Variants in TLL1 observed in about 807,000 individuals in gnomAD.
TLL1 encodes tolloid like 1, also known as tolloid-like protein 1.
In TLL1, 49 loss-of-function variants were observed where a neutral mutation model predicts 128.2. The ratio of observed to expected loss-of-function variants is 0.38; its 90% CI spans 0.30 to 0.48. TLL1 has a LOEUF of 0.48. TLL1 is among the 20% of genes least tolerant of loss of function. The pLI is 0.96. For synonymous variants in TLL1, 454 were observed against 418.8 expected, an observed-to-expected ratio of 1.08 and a Z score of -1.03; for missense variants, 1,123 against 1,242.0, an observed-to-expected ratio of 0.90 and a Z score of 1.44.
intron 14 of TLL1, among the ~76,000 whole-genome samples, chr4:166,059,795 C>G (rs1740217142): frequency 6.6e-6 from 1 of 151,908 alleles, no homozygotes; most frequent in South Asian, 2.1e-4. Flanking sequence ...AAATTTAGTA[C>G]AGCCATAATA....
intron 1 of TLL1, among the ~76,000 whole-genome samples, chr4:165,932,172 C>T (rs896933179): frequency 8.5e-5 from 13 of 152,102 alleles, no homozygotes; most frequent in African/African-American, 3.1e-4. Context: ...AGAAGGTCTC[C>T]TAGTTAGGCA....
At chr4:165,956,367 C>G (rs1003660398) in intron 1 of TLL1, among the ~76,000 whole-genome samples, 7 of 152,048 alleles carry the variant, frequency 4.6e-5, no homozygotes, top group African/African-American at 1.7e-4. Flanking sequence ...CAGTCCTTAT[C>G]TCAACCACGT....
chr4:166,011,787 T>G (rs1003566338), intron 7 of TLL1, among the ~76,000 whole-genome samples: 36 of 151,566 alleles, frequency 2.4e-4, no homozygotes, highest in African/African-American at 8.7e-4. Context: ...ATATAGTTTT[T>G]ATTATGTTGA....
chr4:165,962,461 CA>C (rs1735155043), intron 1 of TLL1, among the ~76,000 whole-genome samples: 1 of 152,142 alleles, frequency 6.6e-6, no homozygotes, highest in Non-Finnish European at 1.5e-5. Context: ...GAAACCCTTA[CA>C]CACTGTTGGT....
intron 1 of TLL1, among the ~76,000 whole-genome samples, chr4:165,974,635 C>T (rs918095868): frequency 6.6e-5 from 10 of 152,132 alleles, no homozygotes; most frequent in Non-Finnish European, 1.2e-4. Flanking sequence ...TACTATTTTC[C>T]CTGTATTGCA....
intron 2 of TLL1, among the ~76,000 whole-genome samples, chr4:165,990,309 T>G (rs935384677): frequency 1.2e-4 from 19 of 152,016 alleles, no homozygotes. Context: ...ATGTCATGCT[T>G]TTGATTTCAT....
chr4:166,093,793 C>T lies in TLL1; in HGVS notation c.2656+2452C>T, dbSNP rs529429869. On this transcript the variant is annotated intron_variant, in intron 19 of 20. Coordinates refer to ENST00000061240, the MANE Select transcript of TLL1 (RefSeq NM_012464.5). The stretch of plus-strand genomic sequence containing the variant: ...GCAGTGCATTGTGCCCCTGGTTTAT[C>T]GAGACTAGAGAATGGCGATGACTTT... Among the ~76,000 whole-genome samples the T allele has an allele frequency of 2.6e-4, 40 of 152,206 alleles. 1 individual carries two copies. The East Asian group carries it at 6.2e-3, about 24-fold the overall frequency.
At chr4:166,091,520 G>A (rs77213883) in intron 19 of TLL1, among the ~76,000 whole-genome samples, 179 bp downstream of exon 19, 22,531 of 152,074 alleles carry the variant, frequency 0.15, 1,782 homozygotes, top group Middle Eastern at 0.25. Context: ...GATCTTTGCA[G>A]TTGTTGAGTT....
In TLL1 at chr4:166,065,758, G is replaced by T. The variant is rs150316679; in HGVS notation, c.2083G>T (p.Ala695Ser). 8.7e-6 allele frequency: 14 copies of T among 1,612,890 alleles called. No homozygotes were observed. In the South Asian group the frequency reaches 1.5e-4, roughly 18 times the overall value. ...ESKLHGKFCG[A>S]EVPEVITSQF... ...TAAACTGCATGGCAAATTCTGTGGC[G>T]CTGAAGTGCCTGAAGTGATCACATC... Residue 695 changes from alanine (A) to serine (S), a missense_variant, in exon 16 of 21, where the codon GCT (alanine) becomes TCT (serine). By Grantham distance (99) the Ala-to-Ser change is moderately conservative (BLOSUM62 1). This residue lies in a region of TLL1 where 634 missense variants were observed against 672.4 expected (regional missense o/e 0.94). Coordinates refer to ENST00000061240, the MANE Select transcript of TLL1 (RefSeq NM_012464.5).
intron 1 of TLL1, among the ~76,000 whole-genome samples, chr4:165,912,487 C>A (rs1279408760): frequency 6.6e-6 from 1 of 152,190 alleles, no homozygotes; most frequent in Non-Finnish European, 1.5e-5. Flanking sequence ...GTATTAGAAG[C>A]ACCTGGAGAA....
At chr4:165,992,727 T>C (rs1332617323) in intron 2 of TLL1, 77 bp from the exon 3 acceptor site, 1 of 1,278,820 alleles carries the variant, frequency 7.8e-7, no homozygotes, top group Non-Finnish European at 1.1e-6. Flanking sequence ...GAGAAATCAT[T>C]GTTGCCTATG....
chr4:166,055,583 T>G (rs1739967751), intron 13 of TLL1, among the ~76,000 whole-genome samples: 1 of 152,118 alleles, frequency 6.6e-6, no homozygotes, highest in South Asian at 2.1e-4. Flanking sequence ...CAAGAATTCA[T>G]GAACAGAAGA....
intron 9 of TLL1, among the ~76,000 whole-genome samples, chr4:166,032,615 A>G (rs1738822029): frequency 6.6e-6 from 1 of 152,146 alleles, no homozygotes. Context: ...TAATACTTAA[A>G]TCATTTTAAA....
intron 7 of TLL1, among the ~76,000 whole-genome samples, chr4:166,013,368 C>G (rs1737790782): frequency 6.6e-6 from 1 of 151,804 alleles, no homozygotes; most frequent in African/African-American, 2.4e-5. Context: ...AGACCTAGAA[C>G]TATTTCCTAA....
At chr4:166,082,070 C>T (rs1203401496) in intron 18 of TLL1, among the ~76,000 whole-genome samples, 1 of 152,146 alleles carries the variant, frequency 6.6e-6, no homozygotes, top group African/African-American at 2.4e-5. Flanking sequence ...AAAATGAGAG[C>T]TTTCACACAG....
At chr4:166,082,192 G>A (rs1254988480) in intron 18 of TLL1, among the ~76,000 whole-genome samples, 1 of 152,094 alleles carries the variant, frequency 6.6e-6, no homozygotes, top group African/African-American at 2.4e-5. Flanking sequence ...GAAGGCTTGT[G>A]AAAAGACGCA....
At chr4:166,037,241 A>G (rs1739046981) in intron 9 of TLL1, among the ~76,000 whole-genome samples, 1 of 152,236 alleles carries the variant, frequency 6.6e-6, no homozygotes, top group African/African-American at 2.4e-5. Context: ...TTTCCTAGTT[A>G]TATCCTGAAT....
At chr4:166,026,117 GT>G (rs1433699198) in intron 9 of TLL1, among the ~76,000 whole-genome samples, 10 of 152,202 alleles carry the variant, frequency 6.6e-5, no homozygotes, top group African/African-American at 2.2e-4. Context: ...GTCAGGCGAG[GT>G]GGCTCACGCC....
intron 9 of TLL1, among the ~76,000 whole-genome samples, chr4:166,035,438 A>G (rs1360747111): frequency 2.6e-5 from 4 of 152,164 alleles, no homozygotes; most frequent in African/African-American, 9.7e-5. Context: ...TTTTCTCCAC[A>G]TCATTCAATT....
Sources: gnomAD v4.1 joint callset for allele counts (sites outside exome capture counted in the v4.1 genomes callset) on GRCh38, gnomAD v4.1.1 for gene constraint, gnomAD v4.1.1 regional missense constraint, MANE v1.5 for transcripts, NCBI Gene and HGNC (gene_info 2026-07-23, HGNC 2026-07-21) for gene names.